Variants in FAM120C observed in about 807,000 individuals in gnomAD.
FAM120C encodes the protein constitutive coactivator of PPAR-gamma-like protein 2.
In FAM120C, 14 loss-of-function variants were observed where a neutral mutation model predicts 71.2. That is an observed-to-expected ratio of 0.20 (90% CI 0.13 to 0.31). The LOEUF (loss-of-function observed/expected upper bound fraction) is 0.31, where lower values mean the gene tolerates loss of function less well. Among genes scored for constraint, FAM120C ranks in the 10% least tolerant of loss-of-function variants. The pLI, the probability that FAM120C is intolerant of heterozygous loss-of-function variation, is 1.00. For missense variants in FAM120C, 500 were observed against 879.0 expected (o/e 0.57, Z 5.45); for synonymous variants, 354 against 353.2 (o/e 1.00, Z -0.03).
intron 4 of FAM120C, among the ~76,000 whole-genome samples, chrX:54,143,247 T>G (rs1400985313): frequency 2.6e-4 from 29 of 109,773 alleles, no homozygotes; most frequent in East Asian, 8.6e-4. Flanking sequence ...ACATCACAAT[T>G]AAAAGAACTA....
chrX:54,169,815 TGAAACTACTG>T (rs2067278499), intron 1 of FAM120C, among the ~76,000 whole-genome samples: 1 of 112,555 alleles, frequency 8.9e-6, no homozygotes, highest in African/African-American at 3.2e-5. Flanking sequence ...AATTACAGAC[TGAAACTACTG>T]TTGATGCAAA....
intron 4 of FAM120C, among the ~76,000 whole-genome samples, chrX:54,136,943 TTTA>T (rs200501762): frequency 8.4e-5 from 9 of 107,675 alleles, no homozygotes; most frequent in East Asian, 2.9e-4. Context: ...ATTTTATTAT[TTTA>T]TTATTATTAT....
chrX:54,074,664 G>C (rs1442047828), intron 15 of FAM120C, among the ~76,000 whole-genome samples: 2 of 112,344 alleles, frequency 1.8e-5, no homozygotes, highest in Admixed American at 1.9e-4. Flanking sequence ...TGATCCACCC[G>C]CCTCAGCTCC....
chrX:54,116,882 GCATTT>G, intron 9 of FAM120C, 88 bp from the exon 10 acceptor site: 1 of 1,013,779 alleles, frequency 9.9e-7, no homozygotes, highest in Non-Finnish European at 1.3e-6. Context: ...AGGCTCCATT[GCATTT>G]CAACTCTTAA....
chrX:54,110,152 G>A (rs2066929158), intron 10 of FAM120C, among the ~76,000 whole-genome samples: 1 of 106,236 alleles, frequency 9.4e-6, no homozygotes, highest in Non-Finnish European at 1.9e-5. Flanking sequence ...GAGTAGCTGG[G>A]ATTACAGCCG....
chrX:54,125,208 C>CAA (rs150428797), intron 9 of FAM120C, among the ~76,000 whole-genome samples: 42 of 47,718 alleles, frequency 8.8e-4, no homozygotes, highest in South Asian at 6.0e-3. Flanking sequence ...GACTCTGTCT[C>CAA]AAAAAAAAAA....
intron 9 of FAM120C, among the ~76,000 whole-genome samples, chrX:54,128,948 G>A (rs1416929641): frequency 4.5e-5 from 5 of 109,967 alleles, no homozygotes; most frequent in Non-Finnish European, 7.6e-5. Context: ...CCACAAAACC[G>A]CCATTGTCAT....
intron 1 of FAM120C, among the ~76,000 whole-genome samples, chrX:54,165,719 G>A (rs2067256375): frequency 9.0e-6 from 1 of 110,499 alleles, no homozygotes; most frequent in Non-Finnish European, 1.9e-5. Context: ...AGCGGTTGTA[G>A]TGAGCCAAGA....
intron 10 of FAM120C, among the ~76,000 whole-genome samples, chrX:54,099,060 G>C (rs918694700): frequency 1.0e-5 from 1 of 99,206 alleles, no homozygotes; most frequent in Non-Finnish European, 2.0e-5. Flanking sequence ...TGTTGCCTAG[G>C]CTGGAGTGCA....
chrX:54,077,687 A>C (rs1224240361), intron 15 of FAM120C, among the ~76,000 whole-genome samples: 1 of 110,847 alleles, frequency 9.0e-6, no homozygotes, highest in Non-Finnish European at 1.9e-5. Flanking sequence ...AATAATAATA[A>C]AATGGAGAAT....
intron 10 of FAM120C, among the ~76,000 whole-genome samples, chrX:54,109,909 A>C (rs1417683513): frequency 9.0e-6 from 1 of 110,866 alleles, no homozygotes; most frequent in Non-Finnish European, 1.9e-5. Flanking sequence ...TTATGTAAAT[A>C]AAGTTAGATC....
In FAM120C at chrX:54,110,330, AAAT is replaced by A. The variant is rs782629748; in HGVS notation, c.2312+6212_2312+6214del. 3.2e-4 allele frequency among the ~76,000 whole-genome samples: 35 copies of A among 109,876 alleles called. No homozygotes were observed. In the East Asian group the frequency reaches 0.01, roughly 32 times the overall value. ...ACTTAGGGGTAGGGGAGAATTTATT[AAAT>A]AAGACACCAAAACACACACCATAAA... On this transcript the variant is annotated intron_variant, in intron 10 of 15. Coordinates refer to ENST00000375180, the MANE Select transcript of FAM120C (RefSeq NM_017848.6).
intron 4 of FAM120C, among the ~76,000 whole-genome samples, chrX:54,144,311 C>T (rs1427146179): frequency 2.7e-5 from 3 of 110,862 alleles, no homozygotes; most frequent in Non-Finnish European, 5.7e-5. Context: ...GAAGTTCTGG[C>T]CAGGGCAATC....
intron 10 of FAM120C, among the ~76,000 whole-genome samples, chrX:54,106,785 A>C (rs2066908970): frequency 8.9e-6 from 1 of 112,663 alleles, no homozygotes; most frequent in African/African-American, 3.2e-5. Context: ...TATCCAGCCA[A>C]CAAACATGAA....
At chrX:54,180,932 G>A (rs1292738325) in intron 1 of FAM120C, among the ~76,000 whole-genome samples, 1 of 110,982 alleles carries the variant, frequency 9.0e-6, no homozygotes, top group Non-Finnish European at 1.9e-5. Context: ...AAAAGCCTGG[G>A]TGGTAGCAGT....
rs1271090680 is a variant in FAM120C, at chrX:54,107,527, A to AT, written c.2312+9017dup. Among the ~76,000 whole-genome samples, 12 of 105,110 alleles carry AT rather than the reference A, an allele frequency of 1.1e-4. No individual in the cohort carries two copies. The East Asian group carries it at 1.8e-3, about 16-fold the overall frequency. The allele number at this position is 105,110 out of a possible 115,157, so 91.3% of individuals were successfully genotyped here. On this transcript the variant is annotated intron_variant, in intron 10 of 15. Coordinates refer to ENST00000375180, the MANE Select transcript of FAM120C (RefSeq NM_017848.6). The stretch of plus-strand genomic sequence containing the variant: ...ATCTTTATCATTATTCTTTAAAAAA[A>AT]TTTTTTTTTTGAGACAGAGTCTTAC...
At chrX:54,082,083 T>C (rs2066768698) in intron 13 of FAM120C, among the ~76,000 whole-genome samples, 1 of 101,123 alleles carries the variant, frequency 9.9e-6, no homozygotes, top group South Asian at 4.7e-4. Context: ...CCCAGGAAGC[T>C]GTGGCAGGAG....
At chrX:54,102,908 C>T (rs979047510) in intron 10 of FAM120C, among the ~76,000 whole-genome samples, 7 of 109,709 alleles carry the variant, frequency 6.4e-5, no homozygotes, top group East Asian at 2.9e-4. Context: ...TTAGTAGAGA[C>T]GGGGTTTCAC....
In FAM120C at chrX:54,088,495, G is replaced by A. The variant is rs781956167; in HGVS notation, c.2428-531C>T. 2.9e-4 allele frequency among the ~76,000 whole-genome samples: 31 copies of A among 105,624 alleles called. 1 individual carries two copies. Among genetic ancestry groups the A allele is most frequent in the Admixed American group, 6.3e-4 (6 of 9,537 alleles). The allele number at this position is 105,624 out of a possible 115,157, so 91.7% of individuals were successfully genotyped here. ...TAGTTCCAGCTACTAGGGAGGCTGA[G>A]GTGGGAGCATCATTTGAACCTGGGA... is the stretch of plus-strand genomic sequence containing the variant. On this transcript the variant is annotated intron_variant, in intron 11 of 15. Coordinates refer to ENST00000375180, the MANE Select transcript of FAM120C (RefSeq NM_017848.6).
Sources: allele counts gnomAD v4.1 joint callset (sites outside exome capture counted in the v4.1 genomes callset), GRCh38; gene constraint gnomAD v4.1.1; transcripts MANE v1.5; gene names NCBI Gene and HGNC (gene_info 2026-07-23, HGNC 2026-07-21).